ELAVL2: variants seen among roughly 807,000 people sequenced by gnomAD.
ELAVL2 encodes the protein ELAV like RNA binding protein 2, also known as ELAV-like protein 2.
Under a neutral mutation model 34.6 loss-of-function variants are expected in ELAVL2, and 4 were observed. The ratio of observed to expected loss-of-function variants is 0.12; its 90% confidence interval spans 0.06 to 0.26. The LOEUF is 0.26. Ranked by LOEUF, ELAVL2 falls within the 10% of genes least tolerant of loss-of-function variation. The pLI is 1.00. For missense variants in ELAVL2, 432 were observed against 442.8 expected (o/e 0.98, Z 0.22); for synonymous variants, 193 against 154.8 (o/e 1.25, Z -1.83).
intron 2 of ELAVL2, among the ~76,000 whole-genome samples, chr9:23,747,612 C>T (rs1020995779): frequency 4.6e-5 from 7 of 152,140 alleles, no homozygotes; most frequent in Admixed American, 6.6e-5. Flanking sequence ...TTCCTCATCT[C>T]AATCAGAGGC....
chr9:23,725,177 C>T (rs2044764461), intron 3 of ELAVL2, among the ~76,000 whole-genome samples: 1 of 152,098 alleles, frequency 6.6e-6, no homozygotes, highest in Non-Finnish European at 1.5e-5. Context: ...AAGGTCAATC[C>T]CAACACTACT....
chr9:23,734,251 T>A (rs1015650590), intron 2 of ELAVL2, among the ~76,000 whole-genome samples: 1 of 152,194 alleles, frequency 6.6e-6, no homozygotes, highest in African/African-American at 2.4e-5. Context: ...GTTTAAAATA[T>A]ATTAAGGGTA....
chr9:23,841,208 TA>T, the ELAVL2 span, among the ~76,000 whole-genome samples: 1 of 152,082 alleles, frequency 6.6e-6, no homozygotes, highest in Non-Finnish European at 1.5e-5. Flanking sequence ...AGCCAGGTCC[TA>T]AAAGTATCAA....
chr9:23,795,706 G>A (rs1241831853), intron 1 of ELAVL2, among the ~76,000 whole-genome samples: 1 of 152,096 alleles, frequency 6.6e-6, no homozygotes, highest in Non-Finnish European at 1.5e-5. Context: ...CTATTAAAAT[G>A]GAATTTAAAA....
intron 1 of ELAVL2, among the ~76,000 whole-genome samples, chr9:23,795,491 C>A (rs767676098): frequency 3.3e-5 from 5 of 152,002 alleles, no homozygotes; most frequent in African/African-American, 9.7e-5. Flanking sequence ...TGCAGTGAGC[C>A]GAGATCACGC....
the ELAVL2 span, chr9:23,832,295 C>G: frequency 6.6e-6 from 1 of 152,126 alleles, no homozygotes; most frequent in East Asian, 1.9e-4. Flanking sequence ...TATTTTTCAA[C>G]TCCCTCCTCC....
chr9:23,827,337 C>T (rs531115656), upstream of ELAVL2, among the ~76,000 whole-genome samples: 2 of 152,310 alleles, frequency 1.3e-5, no homozygotes, highest in Admixed American at 1.3e-4. Flanking sequence ...ATTTTAACAG[C>T]ATTCAGGAGA....
intron 3 of ELAVL2, among the ~76,000 whole-genome samples, chr9:23,715,212 G>A (rs563638260): frequency 3.3e-5 from 5 of 152,196 alleles, no homozygotes; most frequent in Admixed American, 3.3e-4. Context: ...GCAGTGGCAC[G>A]ATCTCAGCTC....
At chr9:23,695,181 C>T (rs7859819) in intron 5 of ELAVL2, among the ~76,000 whole-genome samples, 44,643 of 151,968 alleles carry the variant, frequency 0.29, 6,945 homozygotes, top group South Asian at 0.51. Context: ...CATATTAGCA[C>T]CACCAATCAT....
intron 1 of ELAVL2, chr9:23,821,600 C>T (rs1051058784): frequency 6.6e-6 from 1 of 152,446 alleles, no homozygotes; most frequent in African/African-American, 2.4e-5. Context: ...GCCCCCAGCA[C>T]TTGCCTGCTG....
intron 3 of ELAVL2, among the ~76,000 whole-genome samples, chr9:23,726,935 G>A (rs1049073513): frequency 2.0e-5 from 3 of 152,020 alleles, no homozygotes; most frequent in Admixed American, 6.6e-5. Flanking sequence ...GATTCCTTTA[G>A]GGACCTGAAG....
the ELAVL2 span, among the ~76,000 whole-genome samples, chr9:23,849,064 C>T: frequency 4.6e-5 from 7 of 152,272 alleles, no homozygotes; most frequent in African/African-American, 1.7e-4. Flanking sequence ...TTTTACCAAA[C>T]TTAGAACTGT....
intron 5 of ELAVL2, among the ~76,000 whole-genome samples, chr9:23,696,003 T>C (rs954818670): frequency 3.3e-5 from 5 of 152,216 alleles, no homozygotes; most frequent in African/African-American, 9.6e-5. Context: ...CAAATTATGA[T>C]AGGGCATCTT....
At chr9:23,810,505 C>G (rs1346143899) in intron 1 of ELAVL2, among the ~76,000 whole-genome samples, 1 of 152,182 alleles carries the variant, frequency 6.6e-6, no homozygotes, top group East Asian at 1.9e-4. Context: ...GATACAATTG[C>G]TGCTGGAGTC....
At chr9:23,834,459 A>C in the ELAVL2 span, among the ~76,000 whole-genome samples, 1 of 151,952 alleles carries the variant, frequency 6.6e-6, no homozygotes, top group African/African-American at 2.4e-5. Context: ...TCTAATCTAT[A>C]AAATTGTGAT....
the ELAVL2 span, among the ~76,000 whole-genome samples, chr9:23,836,284 C>T: frequency 6.6e-6 from 1 of 152,136 alleles, no homozygotes; most frequent in Non-Finnish European, 1.5e-5. Context: ...AAATGAATGG[C>T]ATTACAGACT....
intron 2 of ELAVL2, among the ~76,000 whole-genome samples, chr9:23,743,720 T>C (rs943408937): frequency 3.3e-5 from 5 of 152,168 alleles, no homozygotes; most frequent in Non-Finnish European, 7.3e-5. Flanking sequence ...TCAAGTACTC[T>C]TAAATGTATA....
intron 2 of ELAVL2, among the ~76,000 whole-genome samples, chr9:23,760,281 T>C (rs776615706): frequency 1.3e-5 from 2 of 152,018 alleles, no homozygotes; most frequent in Non-Finnish European, 2.9e-5. Flanking sequence ...AATGATAAAA[T>C]GTATCATTTC....
At chr9:23,800,802 T>G (rs1169985370) in intron 1 of ELAVL2, among the ~76,000 whole-genome samples, 7 of 152,196 alleles carry the variant, frequency 4.6e-5, no homozygotes, top group African/African-American at 1.7e-4. Context: ...CAAATACGAA[T>G]TTAGATCTAT....
Sources: allele counts gnomAD v4.1 joint callset (sites outside exome capture counted in the v4.1 genomes callset), GRCh38; gene constraint gnomAD v4.1.1; transcripts MANE v1.5; gene names NCBI Gene and HGNC (gene_info 2026-07-23, HGNC 2026-07-21).